Variants in AXDND1 observed in about 807,000 individuals in gnomAD.
AXDND1 encodes axonemal dynein light chain domain containing 1.
A neutral mutation model predicts 137.5 loss-of-function variants in AXDND1; 110 were observed. That is an observed-to-expected ratio of 0.80 (90% CI 0.69 to 0.94). AXDND1 has a LOEUF of 0.94. Among genes scored for constraint, AXDND1 ranks in the 40% least tolerant of loss-of-function variants. The probability of loss-of-function intolerance (pLI) is 0.00; values close to 1 mark genes in which losing one functional copy is unlikely to be tolerated. For synonymous variants in AXDND1, 414 were observed against 399.7 expected (o/e 1.04, Z -0.43); for missense variants, 1,191 against 1,169.8 (o/e 1.02, Z -0.26).
chr1:179,502,422 G>A (rs181730653), intron 20 of AXDND1, among the ~76,000 whole-genome samples: 24 of 152,108 alleles, frequency 1.6e-4, no homozygotes, highest in South Asian at 4.2e-4. Flanking sequence ...AAATTAGCCC[G>A]GCATGGTGGC....
chr1:179,492,249 A>G (rs530171880), intron 19 of AXDND1, among the ~76,000 whole-genome samples: 1 of 152,032 alleles, frequency 6.6e-6, no homozygotes, highest in East Asian at 1.9e-4. Context: ...TAATTTTTGT[A>G]TTTTTAGTAG....
intron 11 of AXDND1, among the ~76,000 whole-genome samples, chr1:179,399,747 C>T (rs935338753): frequency 3.3e-5 from 5 of 152,048 alleles, no homozygotes; most frequent in Admixed American, 1.3e-4. Flanking sequence ...CAAACAATCA[C>T]GTCAAAAAGT....
intron 3 of AXDND1, among the ~76,000 whole-genome samples, chr1:179,369,742 G>C (rs1177592155): frequency 6.6e-6 from 1 of 152,052 alleles, no homozygotes; most frequent in Non-Finnish European, 1.5e-5. Context: ...CCATTGACCT[G>C]TTTTTATGTG....
At chr1:179,459,730 C>A (rs558919164) in intron 16 of AXDND1, among the ~76,000 whole-genome samples, 1 of 104,556 alleles carries the variant, frequency 9.6e-6, no homozygotes, top group South Asian at 3.5e-4. Context: ...TTCTTTCCTT[C>A]CTTCCTTTTT....
chr1:179,468,990 C>T (rs1005422673), intron 17 of AXDND1, among the ~76,000 whole-genome samples: 3 of 151,556 alleles, frequency 2.0e-5, no homozygotes, highest in Non-Finnish European at 4.4e-5. Flanking sequence ...AGTGCAATGG[C>T]GAGATCTTGG....
At chr1:179,394,174 G>A in intron 10 of AXDND1, 131 bp downstream of exon 10, 1 of 968,636 alleles carries the variant, frequency 1.0e-6, no homozygotes, top group Non-Finnish European at 1.5e-6. Flanking sequence ...TGTTTAGCAA[G>A]AGAACAAAAA....
At chr1:179,443,819 C>G (rs935662449) in intron 15 of AXDND1, among the ~76,000 whole-genome samples, 2 of 151,928 alleles carry the variant, frequency 1.3e-5, no homozygotes, top group African/African-American at 4.8e-5. Flanking sequence ...TTTAAGGGGT[C>G]AGAGCTTGGA....
chr1:179,425,037 G>A (rs1308038108), intron 12 of AXDND1, among the ~76,000 whole-genome samples: 1 of 152,154 alleles, frequency 6.6e-6, no homozygotes, highest in East Asian at 1.9e-4. Flanking sequence ...TCACTCACTT[G>A]TTCCTTGCTT....
In AXDND1 at chr1:179,492,285, G is replaced by A. The variant is rs532327817; in HGVS notation, c.2291+548G>A. Among the ~76,000 whole-genome samples the A allele has an allele frequency of 4.6e-5, 7 of 152,142 alleles. No individual in the cohort carries two copies. The East Asian group carries it at 1.4e-3, about 29-fold the overall frequency. ...AGGTAGAGTTTTGCCATGTTGGCCA[G>A]GCTGGTCTCGAACTCCTGATCTCAA... On this transcript the variant is annotated intron_variant, in intron 19 of 25. Coordinates refer to ENST00000367618, the MANE Select transcript of AXDND1 (RefSeq NM_144696.6).
At chr1:179,520,019 G>A (rs2125671761) in intron 21 of AXDND1, among the ~76,000 whole-genome samples, 1 of 152,100 alleles carries the variant, frequency 6.6e-6, no homozygotes, top group African/African-American at 2.4e-5. Flanking sequence ...CTTTTTATGA[G>A]TATGGAATGT....
At chr1:179,490,723 CT>C (rs1368909075) in intron 18 of AXDND1, among the ~76,000 whole-genome samples, 1 of 151,300 alleles carries the variant, frequency 6.6e-6, no homozygotes, top group East Asian at 1.9e-4. Context: ...ACGTTACCAC[CT>C]TCATTTCCTG....
chr1:179,544,291 G>T (rs1040974188), intron 25 of AXDND1: 2 of 152,186 alleles, frequency 1.3e-5, no homozygotes, highest in Admixed American at 6.5e-5. Flanking sequence ...TGAAATGTCA[G>T]TTTCTCTCGA....
intron 3 of AXDND1, 62 bp downstream of exon 3, chr1:179,369,034 T>G (rs541940954): frequency 1.4e-6 from 2 of 1,438,680 alleles, no homozygotes; most frequent in East Asian, 2.3e-5. Flanking sequence ...GATTATTCTT[T>G]AAGTATTTAT....
intron 25 of AXDND1, chr1:179,550,434 C>G (rs896005520): frequency 3.3e-5 from 5 of 152,226 alleles, no homozygotes; most frequent in African/African-American, 1.2e-4. Context: ...ACTCTCTGGC[C>G]CACTATTTAT....
At chr1:179,476,571 C>A (rs1341510470) in intron 17 of AXDND1, among the ~76,000 whole-genome samples, 3 of 149,752 alleles carry the variant, frequency 2.0e-5, no homozygotes, top group African/African-American at 5.0e-5. Flanking sequence ...TTTTTTAAAT[C>A]TGGGGCAGTC....
intron 17 of AXDND1, among the ~76,000 whole-genome samples, chr1:179,470,825 C>G (rs1230991825): frequency 6.6e-6 from 1 of 151,980 alleles, no homozygotes; most frequent in Non-Finnish European, 1.5e-5. Context: ...GATGTTGTTC[C>G]TATTCTTATG....
chr1:179,443,062 C>T (rs1313450695), intron 15 of AXDND1, among the ~76,000 whole-genome samples: 1 of 152,134 alleles, frequency 6.6e-6, no homozygotes, highest in Non-Finnish European at 1.5e-5. Context: ...AGACTGCATC[C>T]TTTGAACAAT....
chr1:179,519,947 AATAGC>A (rs1255552951), intron 21 of AXDND1, among the ~76,000 whole-genome samples: 10 of 152,148 alleles, frequency 6.6e-5, no homozygotes, highest in African/African-American at 2.2e-4. Flanking sequence ...GTTTGATAGG[AATAGC>A]ATTGAATCTA....
At chr1:179,445,435 A>C (rs1207671384) in intron 16 of AXDND1, among the ~76,000 whole-genome samples, 3 of 152,126 alleles carry the variant, frequency 2.0e-5, no homozygotes, top group South Asian at 2.1e-4. Flanking sequence ...AGATGTGTGC[A>C]TCTATTACCA....
Sources: gnomAD v4.1 joint callset for allele counts (sites outside exome capture counted in the v4.1 genomes callset) on GRCh38, gnomAD v4.1.1 for gene constraint, MANE v1.5 for transcripts, NCBI Gene and HGNC (gene_info 2026-07-23, HGNC 2026-07-21) for gene names.